CDH18: variants seen among roughly 807,000 people sequenced by gnomAD.
The protein encoded by CDH18 is cadherin 18.
Under a neutral mutation model 67.9 loss-of-function variants are expected in CDH18, and 31 were observed. The observed-to-expected ratio is 0.46, with a 90% CI of 0.34 to 0.62. The LOEUF (loss-of-function observed/expected upper bound fraction) is 0.62. Among genes scored for constraint, CDH18 ranks in the 20% least tolerant of loss-of-function variants. The pLI is 0.01. For synonymous variants in CDH18, 362 were observed against 347.2 expected (o/e 1.04, Z -0.48); for missense variants, 890 against 975.5 (o/e 0.91, Z 1.17).
At chr5:19,852,254 C>T (rs950406000) in intron 2 of CDH18, among the ~76,000 whole-genome samples, 3 of 152,030 alleles carry the variant, frequency 2.0e-5, no homozygotes, top group African/African-American at 2.4e-5. Context: ...AGTCAAACTT[C>T]TGCCAGACTC....
chr5:20,358,116 A>C (rs1741781248), intron 1 of CDH18, among the ~76,000 whole-genome samples: 1 of 152,116 alleles, frequency 6.6e-6, no homozygotes, highest in Non-Finnish European at 1.5e-5. Flanking sequence ...CATTGACATA[A>C]ATATGGAAAC....
chr5:20,304,422 G>A (rs1736233671), intron 1 of CDH18: 1 of 1,454,912 alleles, frequency 6.9e-7, no homozygotes, highest in Admixed American at 1.7e-5. Flanking sequence ...ACTTTGGGTA[G>A]CTCATGATTC....
At chr5:20,305,653 G>C in intron 1 of CDH18, 1 of 428,432 alleles carries the variant, frequency 2.3e-6, no homozygotes, top group Non-Finnish European at 4.3e-6. Flanking sequence ...GGGGGGTGGG[G>C]GGAGCGGCGG....
intron 1 of CDH18, among the ~76,000 whole-genome samples, chr5:20,288,843 A>C (rs922026401): frequency 1.3e-5 from 2 of 151,938 alleles, no homozygotes; most frequent in Admixed American, 6.6e-5. Flanking sequence ...AATTTGTGAA[A>C]CTTTTATATT....
intron 1 of CDH18, among the ~76,000 whole-genome samples, chr5:20,396,074 C>A (rs528628838): frequency 4.2e-4 from 64 of 152,248 alleles, no homozygotes; most frequent in African/African-American, 1.5e-3. Context: ...GCCACTCCAG[C>A]AAATTAATTG....
chr5:19,581,507 A>T (rs538113429), intron 7 of CDH18, among the ~76,000 whole-genome samples: 342 of 152,100 alleles, frequency 2.2e-3, no homozygotes, highest in Non-Finnish European at 3.2e-3. Context: ...GATATTGAAA[A>T]TGCTGTTTAG....
At chr5:20,533,440 A>C (rs1651442) in intron 1 of CDH18, among the ~76,000 whole-genome samples, 70,590 of 151,580 alleles carry the variant, frequency 0.47, 16,522 homozygotes, top group East Asian at 0.57. Flanking sequence ...GGGAAGCAGT[A>C]GACATGCAAA....
intron 1 of CDH18, among the ~76,000 whole-genome samples, chr5:20,328,397 T>A (rs1397088394): frequency 6.6e-6 from 1 of 151,420 alleles, no homozygotes; most frequent in Middle Eastern, 3.4e-3. Flanking sequence ...ATGTTGAGAG[T>A]AAAAGAGAGG....
At chr5:20,502,593 C>A (rs1483709790) in intron 1 of CDH18, among the ~76,000 whole-genome samples, 1 of 151,880 alleles carries the variant, frequency 6.6e-6, no homozygotes, top group African/African-American at 2.4e-5. Flanking sequence ...GTAGATTAAC[C>A]CTGTTCTGTA....
At chr5:19,637,055 G>A (rs1341861361) in intron 5 of CDH18, among the ~76,000 whole-genome samples, 1 of 152,024 alleles carries the variant, frequency 6.6e-6, no homozygotes, top group Non-Finnish European at 1.5e-5. Context: ...TTACTCCTCA[G>A]GGAAAAATTA....
At chr5:20,193,515 A>C (rs1467800469) in intron 2 of CDH18, among the ~76,000 whole-genome samples, 1 of 152,184 alleles carries the variant, frequency 6.6e-6, no homozygotes, top group African/African-American at 2.4e-5. Flanking sequence ...TACAAAGAGT[A>C]GCTGATACCA....
intron 1 of CDH18, among the ~76,000 whole-genome samples, chr5:20,552,300 A>G (rs1219026247): frequency 1.3e-5 from 2 of 152,068 alleles, no homozygotes; most frequent in African/African-American, 4.8e-5. Flanking sequence ...AACATGGTAA[A>G]ACCTCGTCTC....
At chr5:19,721,309 C>A in intron 5 of CDH18, 38 bp downstream of exon 5, 2 of 1,524,500 alleles carry the variant, frequency 1.3e-6, no homozygotes, top group South Asian at 1.3e-5. Context: ...CTTACTGTAG[C>A]AAACGCTTGC....
At chr5:19,847,536 G>A (rs1401630022) in intron 2 of CDH18, among the ~76,000 whole-genome samples, 1 of 151,856 alleles carries the variant, frequency 6.6e-6, no homozygotes, top group East Asian at 1.9e-4. Context: ...TTTTTAAGAT[G>A]GTTATTTTGA....
chr5:19,474,693 A>G (rs1579654038), intron 12 of CDH18, among the ~76,000 whole-genome samples: 2 of 152,260 alleles, frequency 1.3e-5, no homozygotes, highest in South Asian at 2.1e-4. Flanking sequence ...TGATATTTCT[A>G]CTATAAAAAT....
At chr5:20,256,992 C>A (rs1744301284) in intron 1 of CDH18, among the ~76,000 whole-genome samples, 1 of 132,738 alleles carries the variant, frequency 7.5e-6, no homozygotes, top group African/African-American at 3.0e-5. Flanking sequence ...CTATATCTAT[C>A]TATCTATCTA....
intron 1 of CDH18, among the ~76,000 whole-genome samples, chr5:20,411,432 C>T (rs978741415): frequency 6.6e-6 from 1 of 151,718 alleles, no homozygotes; most frequent in Admixed American, 6.6e-5. Flanking sequence ...GTAGTACACA[C>T]AAAAATCAAC....
intron 2 of CDH18, among the ~76,000 whole-genome samples, chr5:19,964,238 T>C (rs781126003): frequency 2.9e-4 from 44 of 151,982 alleles, no homozygotes; most frequent in South Asian, 2.1e-4. Flanking sequence ...TTCAGCTACA[T>C]GAGTTGTTAA....
At chr5:20,160,380 T>C (rs1006070976) in intron 2 of CDH18, among the ~76,000 whole-genome samples, 1 of 152,156 alleles carries the variant, frequency 6.6e-6, no homozygotes, top group Non-Finnish European at 1.5e-5. Context: ...TTCAGATAGC[T>C]TTCTCTAAAA....
Sources: allele counts gnomAD v4.1 joint callset (sites outside exome capture counted in the v4.1 genomes callset), GRCh38; gene constraint gnomAD v4.1.1; transcripts MANE v1.5; gene names NCBI Gene and HGNC (gene_info 2026-07-23, HGNC 2026-07-21).